The following C1QTNF3 variants were observed in gnomAD, a reference collection of about 807,000 sequenced individuals.
The protein encoded by C1QTNF3 is complement C1q tumor necrosis factor-related protein 3.
C1QTNF3 carries 26 observed loss-of-function variants against 32.6 expected under a neutral mutation model. That is an observed-to-expected ratio of 0.80 (90% CI 0.58 to 1.11). The LOEUF is 1.11. Among genes scored for constraint, C1QTNF3 ranks in the 50% least tolerant of loss-of-function variants. C1QTNF3 has a pLI of 0.00. For synonymous variants in C1QTNF3, 155 were observed against 146.0 expected, an observed-to-expected ratio of 1.06 and a Z score of -0.44; for missense variants, 362 against 398.2, an observed-to-expected ratio of 0.91 and a Z score of 0.77.
the C1QTNF3 span, among the ~76,000 whole-genome samples, chr5:34,050,454 T>C: frequency 6.6e-6 from 1 of 152,202 alleles, no homozygotes; most frequent in East Asian, 1.9e-4. Flanking sequence ...ACACTGTTTG[T>C]TGTTATTTTT....
the C1QTNF3 span, among the ~76,000 whole-genome samples, chr5:34,054,529 A>C: frequency 6.6e-6 from 1 of 152,204 alleles, no homozygotes; most frequent in South Asian, 2.1e-4. Flanking sequence ...GCTGTGTTCC[A>C]ACAAAACTTT....
the C1QTNF3 span, among the ~76,000 whole-genome samples, chr5:34,130,325 T>C: frequency 3.3e-5 from 5 of 152,102 alleles, no homozygotes; most frequent in East Asian, 1.9e-4. Context: ...CTGTAGGCCA[T>C]TGCACTTTCA....
the C1QTNF3 span, chr5:34,124,131 A>G: frequency 3.7e-6 from 1 of 271,384 alleles, no homozygotes; most frequent in East Asian, 6.9e-5. Flanking sequence ...TTACTAACAG[A>G]TAAAATATAA....
the C1QTNF3 span, among the ~76,000 whole-genome samples, chr5:34,233,719 T>TG: frequency 2.0e-5 from 3 of 152,046 alleles, no homozygotes; most frequent in African/African-American, 7.2e-5. Context: ...TTTTTGTTGT[T>TG]GGTTTGTTTG....
the C1QTNF3 span, among the ~76,000 whole-genome samples, chr5:34,075,242 T>C: frequency 6.6e-6 from 1 of 151,754 alleles, no homozygotes. Context: ...GAATTATAGC[T>C]GACCCTGTTT....
At chr5:34,041,615 T>C (rs540744956) in intron 1 of C1QTNF3, among the ~76,000 whole-genome samples, 18 of 152,316 alleles carry the variant, frequency 1.2e-4, no homozygotes, top group African/African-American at 4.3e-4. Context: ...GATTATCAGA[T>C]GAATAGACAA....
the C1QTNF3 span, among the ~76,000 whole-genome samples, chr5:34,164,128 A>G: frequency 1.3e-5 from 2 of 152,184 alleles, no homozygotes; most frequent in Non-Finnish European, 2.9e-5. Flanking sequence ...TGGGAGGCGA[A>G]CATTAAACAC....
upstream of C1QTNF3, among the ~76,000 whole-genome samples, chr5:34,045,069 C>G (rs894615243): frequency 1.1e-4 from 17 of 152,168 alleles, no homozygotes; most frequent in Admixed American, 9.8e-4. Context: ...CAGGGAGGCC[C>G]AGAGAAAATG....
the C1QTNF3 span, among the ~76,000 whole-genome samples, chr5:34,118,937 CAT>C: frequency 6.6e-6 from 1 of 151,986 alleles, no homozygotes; most frequent in African/African-American, 2.4e-5. Flanking sequence ...TATATATTTA[CAT>C]ATATGTGTAG....
chr5:34,178,308 C>A, the C1QTNF3 span, among the ~76,000 whole-genome samples: 1 of 152,080 alleles, frequency 6.6e-6, no homozygotes, highest in East Asian at 1.9e-4. Flanking sequence ...AGCTGGTTAC[C>A]TTTTCAAAGA....
At chr5:34,160,739 G>T in the C1QTNF3 span, among the ~76,000 whole-genome samples, 7 of 152,084 alleles carry the variant, frequency 4.6e-5, no homozygotes, top group Admixed American at 4.6e-4. Context: ...TCTGCTAAAA[G>T]CACTGTGAAG....
the C1QTNF3 span, among the ~76,000 whole-genome samples, chr5:34,076,546 A>G: frequency 1.3e-5 from 2 of 151,536 alleles, no homozygotes; most frequent in African/African-American, 2.4e-5. Context: ...TGGCTCTCCA[A>G]TAAAATTTGG....
chr5:34,209,017 G>A, the C1QTNF3 span, among the ~76,000 whole-genome samples: 21 of 152,218 alleles, frequency 1.4e-4, no homozygotes, highest in African/African-American at 4.1e-4. Flanking sequence ...ATTCACATCC[G>A]GTAAGTTTAG....
At chr5:34,210,301 A>G in the C1QTNF3 span, among the ~76,000 whole-genome samples, 1 of 152,056 alleles carries the variant, frequency 6.6e-6, no homozygotes, top group Non-Finnish European at 1.5e-5. Context: ...TGCATACTCA[A>G]TATGGCACAT....
the C1QTNF3 span, among the ~76,000 whole-genome samples, chr5:34,176,350 G>A: frequency 1.3e-5 from 2 of 149,972 alleles, no homozygotes; most frequent in Non-Finnish European, 3.0e-5. Flanking sequence ...ACATGTATAC[G>A]TATGTAACTA....
chr5:34,166,589 C>T, the C1QTNF3 span: 1 of 152,136 alleles, frequency 6.6e-6, no homozygotes, highest in East Asian at 1.9e-4. Flanking sequence ...CATACTTCAA[C>T]TCTTTTAAAT....
chr5:34,223,901 C>A, the C1QTNF3 span, among the ~76,000 whole-genome samples: 1 of 151,996 alleles, frequency 6.6e-6, no homozygotes, highest in African/African-American at 2.4e-5. Context: ...TCTAGAAAAC[C>A]CCATTGTCTC....
At chr5:34,118,019 ATATAAT>A in the C1QTNF3 span, among the ~76,000 whole-genome samples, 14 of 152,300 alleles carry the variant, frequency 9.2e-5, no homozygotes, top group African/African-American at 3.1e-4. Context: ...CTGTGTAACT[ATATAAT>A]TATATTTTAT....
At chr5:34,079,489 G>A in the C1QTNF3 span, among the ~76,000 whole-genome samples, 10 of 151,338 alleles carry the variant, frequency 6.6e-5, no homozygotes, top group African/African-American at 2.5e-4. Flanking sequence ...TATTATCTTT[G>A]TTTTTTTATT....
Sources: gnomAD v4.1 joint callset for allele counts (sites outside exome capture counted in the v4.1 genomes callset) on GRCh38, gnomAD v4.1.1 for gene constraint, MANE v1.5 for transcripts, NCBI Gene and HGNC (gene_info 2026-07-23, HGNC 2026-07-21) for gene names.